The following CACNA2D3 variants were observed in gnomAD, a reference collection of about 807,000 sequenced individuals.
CACNA2D3 encodes the protein voltage-dependent calcium channel subunit alpha-2/delta-3.
A neutral mutation model predicts 160.6 loss-of-function variants in CACNA2D3; 60 were observed. The ratio of observed to expected loss-of-function variants is 0.37; its 90% confidence interval spans 0.30 to 0.46. The LOEUF is 0.46. CACNA2D3 is among the 20% of genes least tolerant of loss of function. The pLI is 1.00. For missense variants in CACNA2D3, 1,205 were observed against 1,365.0 expected (o/e 0.88, Z 1.85); for synonymous variants, 558 against 492.9 (o/e 1.13, Z -1.75).
At chr3:54,653,191 C>T (rs1330320659) in intron 11 of CACNA2D3, among the ~76,000 whole-genome samples, 4 of 152,094 alleles carry the variant, frequency 2.6e-5, no homozygotes, top group Admixed American at 6.5e-5. Flanking sequence ...CTGCATGTAC[C>T]GATGGTATTA....
chr3:54,925,869 T>C (rs1011546033), intron 27 of CACNA2D3, among the ~76,000 whole-genome samples: 3 of 152,224 alleles, frequency 2.0e-5, no homozygotes, highest in Non-Finnish European at 2.9e-5. Flanking sequence ...CGTATTGATA[T>C]CCATTTTTGC....
At chr3:54,957,465 C>G (rs1701928028) in intron 27 of CACNA2D3, among the ~76,000 whole-genome samples, 1 of 152,118 alleles carries the variant, frequency 6.6e-6, no homozygotes, top group South Asian at 2.1e-4. Context: ...TAATTTTCAT[C>G]ATGGAATAAG....
intron 17 of CACNA2D3, among the ~76,000 whole-genome samples, chr3:54,866,544 C>T (rs552870215): frequency 6.6e-6 from 1 of 152,334 alleles, no homozygotes; most frequent in South Asian, 2.1e-4. Flanking sequence ...CTGTTGGCAG[C>T]ATGGAGTGGC....
chr3:54,379,132 C>T (rs977266425), intron 3 of CACNA2D3, among the ~76,000 whole-genome samples: 4 of 152,140 alleles, frequency 2.6e-5, no homozygotes, highest in Admixed American at 1.3e-4. Flanking sequence ...CATACATGCA[C>T]GATGTGTTTT....
Position 54,459,634 on chromosome 3 carries a change from G to A in CACNA2D3, c.382-43858G>A, listed in dbSNP as rs558756032. On this transcript the variant is annotated intron_variant, in intron 4 of 37. Coordinates refer to ENST00000474759, the MANE Select transcript of CACNA2D3 (RefSeq NM_018398.3). Reference sequence around the variant, plus strand: ...TGATGGGGTTGTTTGTTTTTTTCTTGTAAATTTGTTTGAGTTCATTGTAGA... The same window carrying A: ...TGATGGGGTTGTTTGTTTTTTTCTTATAAATTTGTTTGAGTTCATTGTAGA... Among the ~76,000 whole-genome samples, 28 of 151,880 alleles carry A rather than the reference G, an allele frequency of 1.8e-4. No individual in the cohort carries two copies. The South Asian group carries it at 4.6e-3, about 25-fold the overall frequency.
intron 2 of CACNA2D3, among the ~76,000 whole-genome samples, chr3:54,258,192 T>G (rs996256283): frequency 2.0e-5 from 3 of 152,168 alleles, no homozygotes; most frequent in African/African-American, 7.2e-5. Flanking sequence ...TGGTAATACT[T>G]TTTGTTTTAA....
chr3:54,613,135 C>G (rs1482826874), intron 9 of CACNA2D3, among the ~76,000 whole-genome samples: 1 of 152,206 alleles, frequency 6.6e-6, no homozygotes, highest in East Asian at 1.9e-4. Flanking sequence ...AGACCTCTTA[C>G]AGTGTACATT....
At chr3:54,123,310 C>CG (rs1455985535) in intron 1 of CACNA2D3, among the ~76,000 whole-genome samples, 2 of 151,902 alleles carry the variant, frequency 1.3e-5, no homozygotes. Flanking sequence ...TCCGCGACCC[C>CG]CCTCGGGCCC....
At chr3:54,308,673 T>G (rs1703663356) in intron 2 of CACNA2D3, among the ~76,000 whole-genome samples, 1 of 152,226 alleles carries the variant, frequency 6.6e-6, no homozygotes, top group African/African-American at 2.4e-5. Flanking sequence ...TTGGTAGCAG[T>G]GTAACTTTGG....
chr3:54,815,747 A>G (rs1013432211), intron 13 of CACNA2D3, among the ~76,000 whole-genome samples: 1 of 152,200 alleles, frequency 6.6e-6, no homozygotes, highest in African/African-American at 2.4e-5. Flanking sequence ...TCTCTGTAAA[A>G]CAGGGATACC....
intron 5 of CACNA2D3, among the ~76,000 whole-genome samples, chr3:54,530,498 C>G (rs1364992146): frequency 6.6e-6 from 1 of 152,192 alleles, no homozygotes; most frequent in Non-Finnish European, 1.5e-5. Flanking sequence ...GAAATGTTTC[C>G]TTCATTTCCT....
chr3:54,149,805 A>G (rs188529410), intron 2 of CACNA2D3, among the ~76,000 whole-genome samples: 9 of 151,860 alleles, frequency 5.9e-5, no homozygotes, highest in African/African-American at 1.7e-4. Context: ...TAGGGGGAAG[A>G]CGGACAGTGT....
intron 2 of CACNA2D3, among the ~76,000 whole-genome samples, chr3:54,250,042 G>A (rs140014579): frequency 1.3e-5 from 2 of 152,102 alleles, no homozygotes; most frequent in Admixed American, 6.5e-5. Context: ...TGTGCTTTTC[G>A]TGTGAAGTCT....
At chr3:54,495,107 C>G (rs1701182697) in intron 4 of CACNA2D3, among the ~76,000 whole-genome samples, 1 of 152,152 alleles carries the variant, frequency 6.6e-6, no homozygotes, top group South Asian at 2.1e-4. Flanking sequence ...GAGAAGGGGT[C>G]CTTCCAATTG....
intron 4 of CACNA2D3, among the ~76,000 whole-genome samples, chr3:54,493,514 C>G (rs1701150181): frequency 6.6e-6 from 1 of 152,084 alleles, no homozygotes; most frequent in Non-Finnish European, 1.5e-5. Flanking sequence ...TCTGAACTCC[C>G]CATTACTACC....
intron 35 of CACNA2D3, among the ~76,000 whole-genome samples, chr3:55,026,253 T>G (rs1703561638): frequency 3.3e-5 from 5 of 152,212 alleles, no homozygotes; most frequent in African/African-American, 1.2e-4. Context: ...GGCTGATTTA[T>G]TAATGATGTT....
intron 2 of CACNA2D3, among the ~76,000 whole-genome samples, chr3:54,178,921 C>T (rs896477695): frequency 1.3e-5 from 2 of 152,134 alleles, no homozygotes; most frequent in African/African-American, 4.8e-5. Context: ...GTTTGGAAGG[C>T]ACTATAGGTG....
At chr3:54,968,647 C>G in intron 28 of CACNA2D3, 136 bp downstream of exon 28, 1 of 650,408 alleles carries the variant, frequency 1.5e-6, no homozygotes. Flanking sequence ...CTCAGATTAC[C>G]TTTCATTTCA....
intron 11 of CACNA2D3, among the ~76,000 whole-genome samples, chr3:54,664,779 G>T (rs1268062403): frequency 1.3e-5 from 2 of 152,196 alleles, no homozygotes; most frequent in Non-Finnish European, 2.9e-5. Context: ...GCTTTCTCTA[G>T]GAAGTAAGCA....
Sources: allele counts gnomAD v4.1 joint callset (sites outside exome capture counted in the v4.1 genomes callset), GRCh38; gene constraint gnomAD v4.1.1; transcripts MANE v1.5; gene names NCBI Gene and HGNC (gene_info 2026-07-23, HGNC 2026-07-21).